Variants in NAALADL2 observed in about 807,000 individuals in gnomAD.
NAALADL2 encodes the protein inactive N-acetylated-alpha-linked acidic dipeptidase-like protein 2.
A neutral mutation model predicts 87.2 loss-of-function variants in NAALADL2; 76 were observed. The ratio of observed to expected loss-of-function variants is 0.87; its 90% CI spans 0.72 to 1.05. The LOEUF is 1.05. Among genes scored for constraint, NAALADL2 ranks in the 50% least tolerant of loss-of-function variants. The probability of loss-of-function intolerance (pLI) is 0.00; values close to 1 mark genes in which losing one functional copy is unlikely to be tolerated. For synonymous variants in NAALADL2, 354 were observed against 331.0 expected (o/e 1.07, Z -0.75); for missense variants, 1,089 against 945.8 (o/e 1.15, Z -1.99).
chr3:174,623,490 G>A (rs952726714), intron 2 of NAALADL2, among the ~76,000 whole-genome samples: 1 of 151,622 alleles, frequency 6.6e-6, no homozygotes, highest in Non-Finnish European at 1.5e-5. Flanking sequence ...TGTATTTTAT[G>A]CATTTGTTAC....
chr3:174,891,649 C>T (rs1345334497), intron 1 of NAALADL2, among the ~76,000 whole-genome samples: 1 of 152,152 alleles, frequency 6.6e-6, no homozygotes, highest in Non-Finnish European at 1.5e-5. Flanking sequence ...CAGGTCTGAA[C>T]TTGAGTTCTG....
intron 2 of NAALADL2, among the ~76,000 whole-genome samples, chr3:174,651,411 G>A (rs1408295621): frequency 6.6e-6 from 1 of 152,162 alleles, no homozygotes; most frequent in Admixed American, 6.5e-5. Context: ...TTTTGTGCAT[G>A]TGGACAAGCA....
rs554839034 is a variant in NAALADL2, at chr3:175,211,155, G to A, written c.546-22776G>A. ...AGTAAAGCTTTTGGGATGAGAGAAGGTGGGGGCATTGCTTCAATCTAAAGT... is the reference window on the plus strand; with the variant it reads ...AGTAAAGCTTTTGGGATGAGAGAAGATGGGGGCATTGCTTCAATCTAAAGT... On this transcript the variant is annotated intron_variant, in intron 2 of 13. Transcript: ENST00000454872. Among the ~76,000 whole-genome samples the A allele has an allele frequency of 9.9e-5, 15 of 151,964 alleles. No homozygotes were observed. The South Asian group carries it at 1.2e-3, about 13-fold the overall frequency.
intron 8 of NAALADL2, among the ~76,000 whole-genome samples, chr3:175,470,378 A>G (rs1000000785): frequency 6.6e-6 from 1 of 152,126 alleles, no homozygotes; most frequent in Non-Finnish European, 1.5e-5. Context: ...AAAATGTAAC[A>G]TATTTGGGGT....
intron 5 of NAALADL2, among the ~76,000 whole-genome samples, chr3:175,428,117 C>T (rs1471813660): frequency 6.6e-6 from 1 of 152,056 alleles, no homozygotes. Flanking sequence ...TTGATCATTT[C>T]TAGCAACCCC....
chr3:175,449,394 C>CTTCTTTTTTTTTTTTT (rs1212551637), intron 6 of NAALADL2, among the ~76,000 whole-genome samples: 7 of 48,534 alleles, frequency 1.4e-4, no homozygotes, highest in East Asian at 8.6e-4. Flanking sequence ...TAATTTTCTT[C>CTTCTTTTTTTTTTTTT]TTTTTTTTTT....
chr3:175,239,288 A>C (rs1746429113), intron 3 of NAALADL2, among the ~76,000 whole-genome samples: 1 of 152,214 alleles, frequency 6.6e-6, no homozygotes, highest in African/African-American at 2.4e-5. Flanking sequence ...GCTTCAGGGA[A>C]TAAACAGTGA....
At chr3:174,618,195 A>C (rs1720661008) in intron 2 of NAALADL2, among the ~76,000 whole-genome samples, 1 of 151,816 alleles carries the variant, frequency 6.6e-6, no homozygotes, top group Non-Finnish European at 1.5e-5. Flanking sequence ...ACCAGAGGTC[A>C]GTACTGCTCC....
Position 174,707,347 on chromosome 3 carries a change from G to A in NAALADL2, c.-114-30294G>A, listed in dbSNP as rs546427521. On this transcript the variant is annotated intron_variant, in intron 2 of 3. Transcript: ENST00000434257. ...TGCTGCTATAAAGACACATGCACAC[G>A]TATGTTTATTGTGGCAATATTCACA... Among the ~76,000 whole-genome samples, 36 of 152,178 alleles carry A rather than the reference G, an allele frequency of 2.4e-4. 1 individual carries two copies. The highest frequency in any genetic ancestry group is 9.8e-4 in the Admixed American group (15 of 15,290).
Position 175,324,255 on chromosome 3 carries a change from T to C in NAALADL2, c.1020T>C (p.Pro340=), listed in dbSNP as rs2110436150. ...GTGATTTGCCAAAGACTGTGAATCC[T>C]AGCCATGATACCTTCATGGTGTCAC... The part of the protein sequence containing the change: ...DPCDLPKTVN[P]SHDTFMVSLN... Residue 340 remains proline (P), a synonymous_variant, in exon 5 of 14, where the codon CCT becomes CCC. Coordinates refer to ENST00000454872, the MANE Select transcript of NAALADL2 (RefSeq NM_207015.3). 1 of 1,613,612 alleles carries C rather than the reference T, an allele frequency of 6.2e-7. No individual in the cohort carries two copies. Among genetic ancestry groups the C allele is most frequent in the East Asian group, 2.2e-5 (1 of 44,846 alleles).
chr3:175,500,717 T>C, intron 9 of NAALADL2, among the ~76,000 whole-genome samples: 1 of 152,046 alleles, frequency 6.6e-6, no homozygotes, highest in East Asian at 1.9e-4. Context: ...ATTATCTCCA[T>C]CTTACAGATG....
At chr3:175,022,104 T>C (rs1751637143) in intron 1 of NAALADL2, among the ~76,000 whole-genome samples, 1 of 152,014 alleles carries the variant, frequency 6.6e-6, no homozygotes, top group African/African-American at 2.4e-5. Context: ...CCTACTCTCC[T>C]TCAACTTGCA....
In NAALADL2 at chr3:175,625,883, A is replaced by G. The variant is rs560543285; in HGVS notation, c.1801-1408A>G. ...CCAGTGCTGATACATGGAAAGCACT[A>G]TAGTTATTCTATTCATCTCAGGCCA... On this transcript the variant is annotated intron_variant, in intron 10 of 13. Transcript: ENST00000454872. 8.5e-5 allele frequency among the ~76,000 whole-genome samples: 13 copies of G among 152,136 alleles called. No homozygotes were observed. In the South Asian group the frequency reaches 2.5e-3, roughly 29 times the overall value.
At chr3:174,847,714 C>T (rs1003743538) in intron 3 of NAALADL2, among the ~76,000 whole-genome samples, 1 of 151,474 alleles carries the variant, frequency 6.6e-6, no homozygotes, top group African/African-American at 2.4e-5. Context: ...CAGACTGAAA[C>T]AGTTTAAACA....
In NAALADL2 at chr3:174,936,448, A is replaced by T. The variant is rs575064027; in HGVS notation, c.43+76998A>T. ...TTGTTTTCTGTACATAATACAGTTA[A>T]TTTTTGAAGCAGATAAAAAGATTTT... On this transcript the variant is annotated intron_variant, in intron 1 of 13. Coordinates refer to ENST00000454872, the MANE Select transcript of NAALADL2 (RefSeq NM_207015.3). 1.7e-4 allele frequency among the ~76,000 whole-genome samples: 26 copies of T among 152,168 alleles called. No homozygotes were observed. The South Asian group carries it at 5.0e-3, about 29-fold the overall frequency.
At chr3:175,707,705 C>T (rs923016667) in intron 11 of NAALADL2, among the ~76,000 whole-genome samples, 2 of 151,930 alleles carry the variant, frequency 1.3e-5, no homozygotes, top group African/African-American at 4.8e-5. Context: ...TTCATTTATT[C>T]AATTATTATT....
chr3:174,482,231 A>G (rs1193876693), intron 1 of NAALADL2, among the ~76,000 whole-genome samples: 1 of 152,044 alleles, frequency 6.6e-6, no homozygotes, highest in Non-Finnish European at 1.5e-5. Context: ...TGGGCCCCCT[A>G]ATTCTGGGAA....
intron 11 of NAALADL2, among the ~76,000 whole-genome samples, chr3:175,628,811 A>G (rs1367652651): frequency 6.6e-6 from 1 of 150,688 alleles, no homozygotes; most frequent in Non-Finnish European, 1.5e-5. Flanking sequence ...TTCGGAATAC[A>G]AAGACTAGAG....
intron 5 of NAALADL2, among the ~76,000 whole-genome samples, chr3:175,395,950 G>C (rs1361787007): frequency 6.6e-6 from 1 of 152,030 alleles, no homozygotes; most frequent in Non-Finnish European, 1.5e-5. Flanking sequence ...ATATTACCAA[G>C]CATTGGAACA....
Sources: gnomAD v4.1 joint callset for allele counts (sites outside exome capture counted in the v4.1 genomes callset) on GRCh38, gnomAD v4.1.1 for gene constraint, MANE v1.5 for transcripts, NCBI Gene and HGNC (gene_info 2026-07-23, HGNC 2026-07-21) for gene names.